Variants in NPEPPS observed in about 807,000 individuals in gnomAD.
NPEPPS encodes the protein aminopeptidase puromycin sensitive, also known as puromycin-sensitive aminopeptidase.
NPEPPS carries 14 observed loss-of-function variants against 115.5 expected under a neutral mutation model. The observed-to-expected ratio is 0.12, with a 90% CI of 0.08 to 0.19. NPEPPS has a LOEUF of 0.19. Among genes scored for constraint, NPEPPS ranks in the 10% least tolerant of loss-of-function variants. NPEPPS has a pLI of 1.00. For missense variants in NPEPPS, 523 were observed against 1,110.8 expected (o/e 0.47, Z 7.52); for synonymous variants, 285 against 390.6 (o/e 0.73, Z 3.19).
chr17:47,571,710 TC>T (rs1430139673), intron 3 of NPEPPS, among the ~76,000 whole-genome samples: 2 of 152,060 alleles, frequency 1.3e-5, no homozygotes, highest in African/African-American at 4.8e-5. Context: ...AGAGTGAGAC[TC>T]CGTCCCAAAA....
At chr17:47,550,775 C>T (rs917410565) in intron 2 of NPEPPS, among the ~76,000 whole-genome samples, 1 of 151,792 alleles carries the variant, frequency 6.6e-6, no homozygotes, top group Non-Finnish European at 1.5e-5. Context: ...CACAGGTGTG[C>T]ACCACCACAC....
At chr17:47,573,870 T>G (rs954151367) in intron 3 of NPEPPS, among the ~76,000 whole-genome samples, 5 of 152,194 alleles carry the variant, frequency 3.3e-5, no homozygotes, top group Admixed American at 6.5e-5. Flanking sequence ...GAACTATTAT[T>G]TTGATAGAAA....
chr17:47,600,239 G>T (rs917538116), intron 14 of NPEPPS, among the ~76,000 whole-genome samples: 1 of 152,144 alleles, frequency 6.6e-6, no homozygotes, highest in African/African-American at 2.4e-5. Flanking sequence ...TTCGAGACCA[G>T]CCTGGGCAAC....
At chr17:47,571,542 C>A (rs1911193909) in intron 3 of NPEPPS, among the ~76,000 whole-genome samples, 1 of 152,022 alleles carries the variant, frequency 6.6e-6, no homozygotes, top group Non-Finnish European at 1.5e-5. Context: ...CACGGTGAAA[C>A]CCTGTCTCTA....
In NPEPPS at chr17:47,542,495, G is replaced by A. The variant is rs1205190841; in HGVS notation, c.256-3414G>A. Among the ~76,000 whole-genome samples the A allele has an allele frequency of 4.8e-5, 7 of 146,066 alleles. No homozygotes were observed. The South Asian group carries it at 8.6e-4, about 18-fold the overall frequency. On this transcript the variant is annotated intron_variant, in intron 1 of 22. Transcript: ENST00000322157. ...TGGGAGGCGGAGGTTGCGGTGAGCCGAGATCACGCCATTGCACTCCAGCCT... is the reference window on the plus strand; with the variant it reads ...TGGGAGGCGGAGGTTGCGGTGAGCCAAGATCACGCCATTGCACTCCAGCCT...
intron 3 of NPEPPS, among the ~76,000 whole-genome samples, chr17:47,570,755 T>C (rs1208000866): frequency 1.3e-5 from 2 of 152,214 alleles, no homozygotes; most frequent in Admixed American, 6.5e-5. Flanking sequence ...TGAAAAGATA[T>C]TGAGCCTCCT....
intron 1 of NPEPPS, among the ~76,000 whole-genome samples, chr17:47,537,399 A>G (rs1358324116): frequency 2.0e-5 from 3 of 152,168 alleles, no homozygotes; most frequent in East Asian, 1.9e-4. Context: ...GACATTTTTA[A>G]AAAAGTTTAC....
Position 47,621,873 on chromosome 17 carries a change from A to G in NPEPPS, c.2713A>G (p.Ile905Val), listed in dbSNP as rs1914593883. Residue 905 changes from isoleucine (I) to valine (V), a missense_variant, in exon 23 of 23, where the codon ATC (isoleucine) becomes GTC (valine). By Grantham distance (29) the Ile-to-Val change is conservative. Around this residue, in one of 4 missense-constraint regions of NPEPPS, gnomAD observed 372 missense variants for 542.6 expected, o/e 0.69. Coordinates refer to ENST00000322157, the MANE Select transcript of NPEPPS (RefSeq NM_006310.4). ...AAWLKRDAES[I>V]HQYLLQRKAS... is the part of the protein sequence containing the mutation. Reference sequence around the variant, plus strand: ...CTGGCTAAAGCGAGATGCTGAGAGCATCCACCAGTACCTCCTTCAGCGGAA... The same window carrying G: ...CTGGCTAAAGCGAGATGCTGAGAGCGTCCACCAGTACCTCCTTCAGCGGAA... 1 of 1,613,732 alleles carries G rather than the reference A, an allele frequency of 6.2e-7. No homozygotes were observed. Among genetic ancestry groups the G allele is most frequent in the Admixed American group, 1.7e-5 (1 of 59,992 alleles).
chr17:47,541,419 C>T (rs564739639), intron 1 of NPEPPS, among the ~76,000 whole-genome samples: 1 of 151,734 alleles, frequency 6.6e-6, no homozygotes, highest in South Asian at 2.1e-4. Context: ...TTTTGTCGCC[C>T]AGGTTGGAGT....
At chr17:47,594,591 TTTATGTTATGTTATG>T (rs71141919) in intron 12 of NPEPPS, among the ~76,000 whole-genome samples, 23,997 of 138,116 alleles carry the variant, frequency 0.17, 2,231 homozygotes, top group Middle Eastern at 0.26. Context: ...TGTATTTTAT[TTTATGTTATGTTATG>T]TTATGTTATG....
chr17:47,613,996 GA>G (rs2143966172), intron 19 of NPEPPS, among the ~76,000 whole-genome samples: 1 of 146,238 alleles, frequency 6.8e-6, no homozygotes, highest in South Asian at 2.2e-4. Context: ...TTTTTTTTGA[GA>G]CAAGGTCTCA....
intron 1 of NPEPPS, among the ~76,000 whole-genome samples, chr17:47,524,546 G>T (rs1490023426): frequency 1.3e-5 from 2 of 151,590 alleles, no homozygotes; most frequent in Non-Finnish European, 2.9e-5. Context: ...GCAGGCTGGA[G>T]TGCAGTGGCG....
chr17:47,563,944 T>C (rs1398799496), intron 2 of NPEPPS, among the ~76,000 whole-genome samples: 1 of 152,028 alleles, frequency 6.6e-6, no homozygotes, highest in Non-Finnish European at 1.5e-5. Flanking sequence ...ATAATTTTTT[T>C]TTTCTTTGAG....
chr17:47,582,067 T>TTTA (rs1167674081), intron 4 of NPEPPS: 1 of 152,272 alleles, frequency 6.6e-6, no homozygotes, highest in African/African-American at 2.4e-5. Flanking sequence ...GAAAATTCTG[T>TTTA]TTACTAAAGT....
chr17:47,601,962 A>G (rs1913225469), intron 15 of NPEPPS: 1 of 504,574 alleles, frequency 2.0e-6, no homozygotes, highest in East Asian at 3.9e-5. Flanking sequence ...GCATAGGACT[A>G]AGGAGGAGAA....
intron 2 of NPEPPS, among the ~76,000 whole-genome samples, chr17:47,565,402 G>A (rs1054843504): frequency 1.3e-5 from 2 of 151,510 alleles, no homozygotes; most frequent in African/African-American, 2.4e-5. Flanking sequence ...CCAGCTACTC[G>A]GGAGGCTGAG....
At chr17:47,525,698 C>A (rs1907403309) in intron 1 of NPEPPS, among the ~76,000 whole-genome samples, 1 of 152,138 alleles carries the variant, frequency 6.6e-6, no homozygotes. Flanking sequence ...TGCCTCCAGT[C>A]TTAGGTTCAC....
At chr17:47,536,232 A>C (rs141639186) in intron 1 of NPEPPS, among the ~76,000 whole-genome samples, 2 of 152,266 alleles carry the variant, frequency 1.3e-5, no homozygotes, top group Admixed American at 1.3e-4. Context: ...CCTGGCCTCT[A>C]CTAACAAAAT....
At chr17:47,531,062 G>A (rs1467449250), upstream of NPEPPS, 2 of 472,612 alleles carry the variant, frequency 4.2e-6, no homozygotes, top group Non-Finnish European at 7.0e-6. Context: ...CGCACTCCAC[G>A]GGGGCGCGCC....
Sources: gnomAD v4.1 joint callset for allele counts (sites outside exome capture counted in the v4.1 genomes callset) on GRCh38, gnomAD v4.1.1 for gene constraint, gnomAD v4.1.1 regional missense constraint, MANE v1.5 for transcripts, NCBI Gene and HGNC (gene_info 2026-07-23, HGNC 2026-07-21) for gene names.